Variants in BNC2 observed in about 807,000 individuals in gnomAD.
The protein encoded by BNC2 is basonuclin zinc finger protein 2, also known as zinc finger protein basonuclin-2.
A neutral mutation model predicts 76.3 loss-of-function variants in BNC2; 20 were observed. That is an observed-to-expected ratio of 0.26 (90% CI 0.18 to 0.38). The LOEUF (loss-of-function observed/expected upper bound fraction) is 0.38. Among genes scored for constraint, BNC2 ranks in the 10% least tolerant of loss-of-function variants. The pLI is 1.00. For missense variants in BNC2, 1,382 were observed against 1,399.8 expected, an observed-to-expected ratio of 0.99 and a Z score of 0.20; for synonymous variants, 582 against 514.8, an observed-to-expected ratio of 1.13 and a Z score of -1.77.
chr9:16,432,133 A>G (rs1237634388), intron 6 of BNC2, among the ~76,000 whole-genome samples: 1 of 152,210 alleles, frequency 6.6e-6, no homozygotes, highest in African/African-American at 2.4e-5. Flanking sequence ...TGTGTGTATT[A>G]GCTTGCTCTT....
At chr9:16,535,492 T>C (rs1587141597) in intron 5 of BNC2, among the ~76,000 whole-genome samples, 1 of 152,154 alleles carries the variant, frequency 6.6e-6, no homozygotes, top group Non-Finnish European at 1.5e-5. Flanking sequence ...TTCTCCCTCA[T>C]CTAGTGCATC....
At chr9:16,737,417 A>G (rs1469191995) in intron 2 of BNC2, among the ~76,000 whole-genome samples, 1 of 150,988 alleles carries the variant, frequency 6.6e-6, no homozygotes, top group African/African-American at 2.4e-5. Flanking sequence ...CGCCCGGCTA[A>G]TTTTTTGTAT....
At chr9:16,846,364 G>T (rs774935794) in intron 1 of BNC2, among the ~76,000 whole-genome samples, 26 of 152,224 alleles carry the variant, frequency 1.7e-4, no homozygotes, top group South Asian at 6.2e-4. Flanking sequence ...AGCCCAAAAG[G>T]TCTGCTCATT....
In BNC2 at chr9:16,786,818, C is replaced by T. The variant is rs138613747; in HGVS notation, c.4-48333G>A. Among the ~76,000 whole-genome samples, 455 of 152,196 alleles carry T rather than the reference C, an allele frequency of 3.0e-3. 4 individuals are homozygous for T. The highest frequency in any genetic ancestry group is 0.01 in the African/African-American group (433 of 41,526). ...TCCTCAAGGGAAGGTCATTGATCTG[C>T]GGCACAATAACTCCCACCCTGCAAC... On this transcript the variant is annotated intron_variant, in intron 1 of 6. Coordinates refer to ENST00000380672, the MANE Select transcript of BNC2 (RefSeq NM_017637.6).
intron 3 of BNC2, among the ~76,000 whole-genome samples, chr9:16,690,483 A>G (rs930276569): frequency 1.4e-4 from 22 of 152,112 alleles, no homozygotes; most frequent in Non-Finnish European, 2.8e-4. Context: ...ACATACATAC[A>G]TACTAACGAC....
intron 5 of BNC2, among the ~76,000 whole-genome samples, chr9:16,546,287 T>C (rs1818480068): frequency 6.6e-6 from 1 of 152,208 alleles, no homozygotes; most frequent in Non-Finnish European, 1.5e-5. Context: ...TTATCTTAAT[T>C]GTAAAGATTA....
chr9:16,623,150 G>A (rs1275883661), intron 3 of BNC2, among the ~76,000 whole-genome samples: 1 of 152,218 alleles, frequency 6.6e-6, no homozygotes, highest in South Asian at 2.1e-4. Context: ...GTTGGAATAC[G>A]TTGTTGGACA....
chr9:16,788,891 T>TTGAAACGAATG (rs201090593), intron 1 of BNC2, among the ~76,000 whole-genome samples: 2,071 of 152,232 alleles, frequency 0.014, 40 homozygotes, highest in African/African-American at 0.047. Context: ...CCCACCTTAG[T>TTGAAACGAATG]TGAAACGAAT....
At chr9:16,782,298 A>AATG (rs1826175898) in intron 1 of BNC2, among the ~76,000 whole-genome samples, 1 of 151,684 alleles carries the variant, frequency 6.6e-6, no homozygotes, top group Non-Finnish European at 1.5e-5. Flanking sequence ...AAATAATAAT[A>AATG]ATGATAATAA....
Position 16,727,862 on chromosome 9 carries a change from C to T in BNC2, c.265G>A (p.Glu89Lys). Reference protein sequence around the residue: ...MQFGTRTTTAEPGFMGTWQNA... With the variant: ...MQFGTRTTTAKPGFMGTWQNA... ...TGCCATGTCCCCATGAACCCTGGTTCAGCCGTAGTCGTTCTGGTTCCGAAC... is the reference window on the plus strand; with the variant it reads ...TGCCATGTCCCCATGAACCCTGGTTTAGCCGTAGTCGTTCTGGTTCCGAAC... Residue 89 changes from glutamate to lysine, a missense_variant, in exon 3 of 7, where the codon GAA (glutamate) becomes AAA (lysine). Physicochemically the swap from Glu to Lys is moderately conservative, Grantham distance 56. This residue lies in a region of BNC2 where 557 missense variants were observed against 540.9 expected (regional missense o/e 1.03). Transcript: ENST00000380672. The T allele has an allele frequency of 6.2e-7, 1 of 1,614,196 alleles. No homozygotes were observed. Among genetic ancestry groups the T allele is most frequent in the Non-Finnish European group, 8.5e-7 (1 of 1,180,042 alleles).
chr9:16,530,839 AG>A (rs947092894), intron 5 of BNC2, among the ~76,000 whole-genome samples: 29 of 152,204 alleles, frequency 1.9e-4, no homozygotes, highest in Non-Finnish European at 4.4e-5. Context: ...GAGGAGATGC[AG>A]GGGAAGAGCA....
chr9:16,713,248 G>A (rs1245322739), intron 3 of BNC2, among the ~76,000 whole-genome samples: 1 of 152,074 alleles, frequency 6.6e-6, no homozygotes, highest in Non-Finnish European at 1.5e-5. Flanking sequence ...AAGCTGCAAA[G>A]GGATACTTAC....
intron 3 of BNC2, among the ~76,000 whole-genome samples, chr9:16,634,437 G>GATTATTGT (rs1392021871): frequency 1.3e-5 from 2 of 151,346 alleles, no homozygotes; most frequent in Non-Finnish European, 2.9e-5. Flanking sequence ...AACCAAATAT[G>GATTATTGT]ATTATTGTTA....
At chr9:16,471,854 G>A (rs371186470) in intron 5 of BNC2, among the ~76,000 whole-genome samples, 12 of 152,250 alleles carry the variant, frequency 7.9e-5, no homozygotes, top group East Asian at 3.9e-4. Flanking sequence ...AGGAGGCACC[G>A]AGGGGGAGGT....
At chr9:16,550,959 G>C (rs1444707642) in intron 5 of BNC2, among the ~76,000 whole-genome samples, 1 of 151,910 alleles carries the variant, frequency 6.6e-6, no homozygotes, top group Non-Finnish European at 1.5e-5. Flanking sequence ...ATGCATCTTG[G>C]GGCCAGTATA....
chr9:16,453,754 T>C (rs1262686721), intron 5 of BNC2, among the ~76,000 whole-genome samples: 3 of 152,152 alleles, frequency 2.0e-5, no homozygotes, highest in African/African-American at 4.8e-5. Flanking sequence ...GAGGCAGAGG[T>C]TGCAGTGAGC....
At chr9:16,674,061 C>A (rs535908722) in intron 3 of BNC2, among the ~76,000 whole-genome samples, 2 of 152,172 alleles carry the variant, frequency 1.3e-5, no homozygotes, top group Non-Finnish European at 2.9e-5. Context: ...CCTGCCTTTT[C>A]GGACTAATAT....
intron 5 of BNC2, among the ~76,000 whole-genome samples, chr9:16,547,172 A>G (rs1238034728): frequency 6.6e-6 from 1 of 152,260 alleles, no homozygotes; most frequent in Non-Finnish European, 1.5e-5. Context: ...CTTGCTCCGC[A>G]AAGAGCTGTT....
intron 5 of BNC2, among the ~76,000 whole-genome samples, chr9:16,469,824 G>A (rs1299237182): frequency 2.6e-5 from 4 of 152,082 alleles, no homozygotes; most frequent in African/African-American, 9.7e-5. Flanking sequence ...GAAGGGAACT[G>A]GAGCAAAGGT....
Sources: allele counts gnomAD v4.1 joint callset (sites outside exome capture counted in the v4.1 genomes callset), GRCh38; gene constraint gnomAD v4.1.1; regional missense constraint gnomAD v4.1.1; transcripts MANE v1.5; gene names NCBI Gene and HGNC (gene_info 2026-07-23, HGNC 2026-07-21).